Variants in ADGRB3 observed in about 807,000 individuals in gnomAD.
The protein encoded by ADGRB3 is adhesion G protein-coupled receptor B3, also known as brain-specific angiogenesis inhibitor 3.
ADGRB3 carries 37 observed loss-of-function variants against 193.4 expected under a neutral mutation model. The ratio of observed to expected loss-of-function variants is 0.19; its 90% CI spans 0.15 to 0.25. The LOEUF is 0.25. Among genes scored for constraint, ADGRB3 ranks in the 10% least tolerant of loss-of-function variants. The probability of loss-of-function intolerance (pLI) is 1.00; values close to 1 mark genes in which losing one functional copy is unlikely to be tolerated. For synonymous variants in ADGRB3, 690 were observed against 644.2 expected (o/e 1.07, Z -1.08); for missense variants, 1,637 against 1,852.9 (o/e 0.88, Z 2.14).
At chr6:68,862,628 T>C (rs1765189798) in intron 3 of ADGRB3, among the ~76,000 whole-genome samples, 1 of 152,216 alleles carries the variant, frequency 6.6e-6, no homozygotes, top group South Asian at 2.1e-4. Context: ...CTAAGTTTAC[T>C]TAGTTTTATG....
At chr6:69,058,479 A>T (rs1227892088) in intron 15 of ADGRB3, among the ~76,000 whole-genome samples, 2 of 151,756 alleles carry the variant, frequency 1.3e-5, no homozygotes, top group Admixed American at 1.3e-4. Context: ...ATCTTTCTTC[A>T]TTAACTTTGG....
chr6:68,909,581 G>C (rs1176365684), intron 3 of ADGRB3, among the ~76,000 whole-genome samples: 10 of 152,112 alleles, frequency 6.6e-5, no homozygotes, highest in African/African-American at 2.4e-4. Context: ...CAGAACAAAA[G>C]GAAGAAAATG....
chr6:69,290,430 T>C (rs996208711), intron 20 of ADGRB3, among the ~76,000 whole-genome samples: 1 of 151,596 alleles, frequency 6.6e-6, no homozygotes. Context: ...GGATGGAGTT[T>C]GGAGCGGGGA....
intron 11 of ADGRB3, among the ~76,000 whole-genome samples, chr6:69,007,535 C>T (rs555462912): frequency 1.3e-5 from 2 of 152,160 alleles, no homozygotes; most frequent in South Asian, 4.1e-4. Flanking sequence ...GGAATTTGAA[C>T]ATTCTCTTCC....
chr6:69,290,947 A>T (rs1341350725), intron 20 of ADGRB3, among the ~76,000 whole-genome samples: 6 of 152,194 alleles, frequency 3.9e-5, no homozygotes, highest in African/African-American at 7.2e-5. Context: ...CTTTATCAGA[A>T]TAATACCTGC....
chr6:69,290,662 C>T (rs1767646393), intron 20 of ADGRB3, among the ~76,000 whole-genome samples: 2 of 152,008 alleles, frequency 1.3e-5, no homozygotes, highest in Admixed American at 1.3e-4. Flanking sequence ...TGGCAAACCC[C>T]AAATACAATA....
chr6:69,230,567 A>G (rs562048634), intron 17 of ADGRB3, among the ~76,000 whole-genome samples: 16 of 152,372 alleles, frequency 1.1e-4, no homozygotes, highest in Non-Finnish European at 2.2e-4. Flanking sequence ...CAGACTACAC[A>G]TACTATATAG....
intron 17 of ADGRB3, among the ~76,000 whole-genome samples, chr6:69,181,507 ACTTATAATTATATTAC>A (rs1213937974): frequency 6.6e-6 from 1 of 152,170 alleles, no homozygotes; most frequent in African/African-American, 2.4e-5. Flanking sequence ...AATTGGAAAT[ACTTATAATTATATTAC>A]CTAGAAGCTA....
Position 69,379,766 on chromosome 6 carries a change from G to T in ADGRB3, c.4276-3065G>T, listed in dbSNP as rs554651676. ...AGAACTCCAGGCCATCATTGCTATG[G>T]TTATTTCTGGCAGTGCCAAGGTGGC... On this transcript the variant is annotated intron_variant, in intron 30 of 31. Coordinates refer to ENST00000370598, the MANE Select transcript of ADGRB3 (RefSeq NM_001704.3). Among the ~76,000 whole-genome samples, 5 of 152,062 alleles carry T rather than the reference G, an allele frequency of 3.3e-5. No individual in the cohort carries two copies. The South Asian group carries it at 1.0e-3, about 32-fold the overall frequency.
chr6:69,048,560 T>G (rs1771303905), intron 14 of ADGRB3, among the ~76,000 whole-genome samples: 1 of 152,102 alleles, frequency 6.6e-6, no homozygotes, highest in Non-Finnish European at 1.5e-5. Context: ...AAGTGCAAAT[T>G]ATCGACCTGA....
At chr6:69,097,814 C>G (rs1284467521) in intron 17 of ADGRB3, among the ~76,000 whole-genome samples, 1 of 151,900 alleles carries the variant, frequency 6.6e-6, no homozygotes. Flanking sequence ...CAAATATATT[C>G]ATCATAGCTG....
At chr6:69,339,080 G>A (rs1768917621) in intron 25 of ADGRB3, 66 bp downstream of exon 25, 10 of 1,540,286 alleles carry the variant, frequency 6.5e-6, no homozygotes, top group Non-Finnish European at 8.0e-6. Flanking sequence ...AAAATGCTAT[G>A]ATGAAAAAAA....
At chr6:69,068,403 T>C (rs1771972523) in intron 16 of ADGRB3, among the ~76,000 whole-genome samples, 2 of 152,220 alleles carry the variant, frequency 1.3e-5, no homozygotes, top group African/African-American at 4.8e-5. Flanking sequence ...AATCTATTTC[T>C]TTATTAAAGT....
At chr6:68,921,912 C>T (rs1191620352) in intron 3 of ADGRB3, among the ~76,000 whole-genome samples, 4 of 151,866 alleles carry the variant, frequency 2.6e-5, no homozygotes, top group African/African-American at 9.7e-5. Context: ...CTTTTGTGTC[C>T]ACAGTTTTAA....
chr6:68,737,576 A>G (rs1486565904), intron 3 of ADGRB3, among the ~76,000 whole-genome samples: 1 of 152,142 alleles, frequency 6.6e-6, no homozygotes, highest in Non-Finnish European at 1.5e-5. Context: ...CAAGCACTAA[A>G]TAGACAACAA....
At chr6:69,034,002 T>C (rs1770791601) in intron 13 of ADGRB3, among the ~76,000 whole-genome samples, 1 of 152,052 alleles carries the variant, frequency 6.6e-6, no homozygotes, top group Non-Finnish European at 1.5e-5. Context: ...TATTCTGAAT[T>C]CAGACAAAAC....
Position 68,656,544 on chromosome 6 carries a change from T to A in ADGRB3, c.757+17112T>A, listed in dbSNP as rs943195403. On this transcript the variant is annotated intron_variant, in intron 3 of 31. Transcript: ENST00000370598. ...TTATTGCCAACATAAACTTGTAAAT[T>A]TGTTCACATTTATTAGTTTAGTTCA... Among the ~76,000 whole-genome samples the A allele has an allele frequency of 2.4e-4, 36 of 151,698 alleles. 1 individual carries two copies. The South Asian group carries it at 3.5e-3, about 15-fold the overall frequency.
chr6:69,057,116 C>T (rs1273159415), intron 15 of ADGRB3, among the ~76,000 whole-genome samples: 1 of 151,812 alleles, frequency 6.6e-6, no homozygotes, highest in African/African-American at 2.4e-5. Context: ...TAACTCTTTC[C>T]TCCTTAAGTT....
intron 3 of ADGRB3, among the ~76,000 whole-genome samples, chr6:68,921,621 A>G (rs897787951): frequency 1.3e-5 from 2 of 152,182 alleles, no homozygotes; most frequent in Admixed American, 1.3e-4. Context: ...AAAATCTTTG[A>G]AGACAACATA....
Sources: allele counts gnomAD v4.1 joint callset (sites outside exome capture counted in the v4.1 genomes callset), GRCh38; gene constraint gnomAD v4.1.1; transcripts MANE v1.5; gene names NCBI Gene and HGNC (gene_info 2026-07-23, HGNC 2026-07-21).